ZDHHC3: variants seen among roughly 807,000 people sequenced by gnomAD.
ZDHHC3 encodes zDHHC palmitoyltransferase 3.
ZDHHC3 carries 9 observed loss-of-function variants against 30.6 expected under a neutral mutation model. That is an observed-to-expected ratio of 0.29 (90% CI 0.18 to 0.51). The LOEUF (loss-of-function observed/expected upper bound fraction) is 0.51, where lower values mean the gene tolerates loss of function less well. Ranked by LOEUF, ZDHHC3 falls within the 20% of genes least tolerant of loss-of-function variation. The pLI is 0.97. For synonymous variants in ZDHHC3, 136 were observed against 140.2 expected (o/e 0.97, Z 0.21); for missense variants, 246 against 384.2 (o/e 0.64, Z 3.01).
chr3:44,958,850 C>T (rs753129139), intron 2 of ZDHHC3, among the ~76,000 whole-genome samples: 1 of 152,216 alleles, frequency 6.6e-6, no homozygotes, highest in Non-Finnish European at 1.5e-5. Context: ...AGGTTTCCCC[C>T]AGACCAAACC....
At position 44,923,080 on chromosome 3, in the gene ZDHHC3, T is replaced by TG. The variant is rs1559644369; in HGVS notation, c.*3608dup. On this transcript the variant is annotated 3_prime_UTR_variant, in exon 7 of 7. Coordinates refer to ENST00000424952, the MANE Select transcript of ZDHHC3 (RefSeq NM_001135179.2). ...ACCTCACATACATGTTTAAAATGTT[T>TG]GTTTTTTTTTTTTGAGACGGAGTCT... The TG allele has an allele frequency of 1.1e-6, 1 of 936,292 alleles. No homozygotes were observed. 58.0% of individuals were successfully genotyped at this position (936,292 alleles called of 1,614,324 possible).
chr3:44,925,594 G>A lies in ZDHHC3; in HGVS notation c.*1095C>T. The A allele has an allele frequency of 1.0e-6, 1 of 985,456 alleles. No homozygotes were observed. Among genetic ancestry groups the A allele is most frequent in the Non-Finnish European group, 1.2e-6 (1 of 829,934 alleles). The allele number at this position is 985,456 out of a possible 1,614,324, so 61.0% of individuals were successfully genotyped here. The stretch of plus-strand genomic sequence containing the variant: ...ATTCTGGCCAATGGGATGGCCATAT[G>A]TCAACTTTGAAAGGGTGGGGACTGT... On this transcript the variant is annotated 3_prime_UTR_variant, in exon 7 of 7. Coordinates refer to ENST00000424952, the MANE Select transcript of ZDHHC3 (RefSeq NM_001135179.2).
intron 1 of ZDHHC3, among the ~76,000 whole-genome samples, chr3:44,965,543 A>G (rs1704869695): frequency 6.6e-6 from 1 of 152,184 alleles, no homozygotes. Context: ...GTTGACTGCT[A>G]GTGATGGGCA....
At position 44,920,459 on chromosome 3, in the gene ZDHHC3, C is replaced by G. The variant is rs1310201115; in HGVS notation, c.*6230G>C. The G allele has an allele frequency of 8.1e-7, 1 of 1,229,794 alleles. No homozygotes were observed. Among genetic ancestry groups the G allele is most frequent in the East Asian group, 5.8e-5 (1 of 17,370 alleles). The allele number at this position is 1,229,794 out of a possible 1,614,324, so 76.2% of individuals were successfully genotyped here. On this transcript the variant is annotated 3_prime_UTR_variant, in exon 7 of 7. Coordinates refer to ENST00000424952, the MANE Select transcript of ZDHHC3 (RefSeq NM_001135179.2). ...GGCTGCATCCACACTGACTTGGACT[C>G]AAAGCCATGACCATAGGTTTTTATG...
Position 44,922,374 on chromosome 3 carries a change from G to A in ZDHHC3, c.*4315C>T, listed in dbSNP as rs1269518414. 1 of 985,266 alleles carries A rather than the reference G, an allele frequency of 1.0e-6. No individual in the cohort carries two copies. Among genetic ancestry groups the A allele is most frequent in the Non-Finnish European group, 1.2e-6 (1 of 829,936 alleles). 61.0% of individuals were successfully genotyped at this position (985,266 alleles called of 1,614,324 possible). A position where few individuals can be genotyped will look rare whatever the true frequency, so the allele number is the denominator to read the frequency against. On this transcript the variant is annotated 3_prime_UTR_variant, in exon 7 of 7. Coordinates refer to ENST00000424952, the MANE Select transcript of ZDHHC3 (RefSeq NM_001135179.2). ...CTTCCGGGCTGCTTCTTCACCCAAA[G>A]GGCCCTTGGTCTAGAGATGGGTTCC... is the stretch of plus-strand genomic sequence containing the variant.
Position 44,919,570 on chromosome 3 carries a change from G to A in ZDHHC3, c.*7119C>T, listed in dbSNP as rs1454696666. 6.6e-6 allele frequency among the ~76,000 whole-genome samples: 1 copy of A among 152,232 alleles called. No homozygotes were observed. Among genetic ancestry groups the A allele is most frequent in the East Asian group, 1.9e-4 (1 of 5,204 alleles). On this transcript the variant is annotated 3_prime_UTR_variant, in exon 7 of 7. Transcript: ENST00000424952. The stretch of plus-strand genomic sequence containing the variant: ...GTCAAGGTCATGAAAGACAAAGGAA[G>A]ACTGAGGAACTGTCACAAACTGGAG...
At chr3:44,930,703 C>T (rs1303304313) in intron 5 of ZDHHC3, among the ~76,000 whole-genome samples, 6 of 152,224 alleles carry the variant, frequency 3.9e-5, no homozygotes, top group African/African-American at 1.4e-4. Context: ...AACATCTCAT[C>T]CACAATGCAT....
In ZDHHC3 at chr3:44,918,233, C is replaced by CGG. The variant is rs10576157; in HGVS notation, c.*8454_*8455dup. ...ACCCCCAGCTATAGCATAGCAGTGGCGGGGGGGGGGGCGGGGTGTCCACGG... is the reference window on the plus strand; with the variant it reads ...ACCCCCAGCTATAGCATAGCAGTGGCGGGGGGGGGGGGGCGGGGTGTCCACGG... On this transcript the variant is annotated 3_prime_UTR_variant, in exon 7 of 7. Transcript: ENST00000424952. 40 of 1,152,904 alleles carry CGG rather than the reference C, an allele frequency of 3.5e-5. No homozygotes were observed. Among genetic ancestry groups the CGG allele is most frequent in the African/African-American group, 2.8e-4 (17 of 60,922 alleles). 71.4% of individuals were successfully genotyped at this position (1,152,904 alleles called of 1,614,324 possible). A position where few individuals can be genotyped will look rare whatever the true frequency, so the allele number is the denominator to read the frequency against.
rs1176865739 is a variant in ZDHHC3 at position 44,959,020 on chromosome 3, CCCT to C, written c.306+108_306+110del. 3.8e-6 allele frequency: 5 copies of C among 1,330,908 alleles called. No homozygotes were observed. The highest frequency in any genetic ancestry group is 2.1e-5 in the Admixed American group (1 of 48,380). 82.4% of individuals were successfully genotyped at this position (1,330,908 alleles called of 1,614,324 possible). A position where few individuals can be genotyped will look rare whatever the true frequency, so the allele number is the denominator to read the frequency against. ...GATCTACTTCCTCACCCTCCCCTGGCCCTCCTATCCTCCAAGTTCCCAAGGTCC... is the reference window on the plus strand; with the variant it reads ...GATCTACTTCCTCACCCTCCCCTGGCCCTATCCTCCAAGTTCCCAAGGTCC... On this transcript the variant is annotated intron_variant, in intron 2 of 6. Transcript: ENST00000424952. This position sits in a 1 kb window ranked among gnomAD's most constrained non-coding sequence, Gnocchi z 4.3.
At chr3:44,933,807 C>T (rs1297096834) in intron 4 of ZDHHC3, 81 bp downstream of exon 4, 3 of 1,282,414 alleles carry the variant, frequency 2.3e-6, no homozygotes, top group African/African-American at 1.5e-5. Context: ...CAAAGAACAT[C>T]GTGAATGCTG....
intron 2 of ZDHHC3, among the ~76,000 whole-genome samples, chr3:44,958,406 G>C (rs1008078229): frequency 6.6e-6 from 1 of 152,140 alleles, no homozygotes; most frequent in Non-Finnish European, 1.5e-5. Context: ...CCCACGTACT[G>C]AAACAAGCCA....
chr3:44,935,564 T>C (rs1337699778), intron 3 of ZDHHC3, among the ~76,000 whole-genome samples: 1 of 152,160 alleles, frequency 6.6e-6, no homozygotes, highest in African/African-American at 2.4e-5. Context: ...GCCCAGCAAA[T>C]AATTACCTCT....
In ZDHHC3 at chr3:44,924,844, T is replaced by C. The variant is rs1700857729; in HGVS notation, c.*1845A>G. ...GATCTAAAACAGCATTCTTTTCTTTTTAATCTTAGCATCTCAGCCTCGCCC... is the reference window on the plus strand; with the variant it reads ...GATCTAAAACAGCATTCTTTTCTTTCTAATCTTAGCATCTCAGCCTCGCCC... On this transcript the variant is annotated 3_prime_UTR_variant, in exon 7 of 7. Coordinates refer to ENST00000424952, the MANE Select transcript of ZDHHC3 (RefSeq NM_001135179.2). The C allele has an allele frequency of 5.1e-6, 5 of 985,566 alleles. No individual in the cohort carries two copies. The highest frequency in any genetic ancestry group is 6.0e-6 in the Non-Finnish European group (5 of 829,944). 61.1% of individuals were successfully genotyped at this position (985,566 alleles called of 1,614,324 possible).
intron 2 of ZDHHC3, among the ~76,000 whole-genome samples, chr3:44,953,912 T>C (rs1278263139): frequency 6.6e-6 from 1 of 152,220 alleles, no homozygotes; most frequent in African/African-American, 2.4e-5. Context: ...TCTGGCTGCA[T>C]CCAGCACCTG....
At position 44,959,095 on chromosome 3, in the gene ZDHHC3, G is replaced by A; in HGVS notation, c.306+36C>T. On this transcript the variant is annotated intron_variant, in intron 2 of 6. Transcript: ENST00000424952. The surrounding 1 kb of genome is among the most constrained non-coding windows in gnomAD (Gnocchi z 4.3). The stretch of plus-strand genomic sequence containing the variant: ...GCCATGCCAGAGCCAGAGGAGGAGA[G>A]TGTGGGCTGGTCAAAACAAGCCCAG... 1 of 1,609,982 alleles carries A rather than the reference G, an allele frequency of 6.2e-7. No individual in the cohort carries two copies.
At chr3:44,935,076 G>A (rs1203365278) in intron 3 of ZDHHC3, among the ~76,000 whole-genome samples, 1 of 152,038 alleles carries the variant, frequency 6.6e-6, no homozygotes, top group African/African-American at 2.4e-5. Flanking sequence ...TGAAACAAGC[G>A]TCCCGGACTA....
In ZDHHC3 at chr3:44,959,005, C is replaced by T; in HGVS notation, c.306+126G>A. The T allele has an allele frequency of 1.7e-6, 2 of 1,191,210 alleles. No homozygotes were observed. The highest frequency in any genetic ancestry group is 2.4e-5 in the East Asian group (1 of 41,208). 73.8% of individuals were successfully genotyped at this position (1,191,210 alleles called of 1,614,324 possible). ...TCTGAACAAGGCAGAGATCTACTTCCTCACCCTCCCCTGGCCCTCCTATCC... is the reference window on the plus strand; with the variant it reads ...TCTGAACAAGGCAGAGATCTACTTCTTCACCCTCCCCTGGCCCTCCTATCC... On this transcript the variant is annotated intron_variant, in intron 2 of 6. Coordinates refer to ENST00000424952, the MANE Select transcript of ZDHHC3 (RefSeq NM_001135179.2). The surrounding 1 kb of genome is among the most constrained non-coding windows in gnomAD (Gnocchi z 4.3).
intron 2 of ZDHHC3, among the ~76,000 whole-genome samples, chr3:44,950,250 G>A (rs1311138431): frequency 6.6e-6 from 1 of 152,250 alleles, no homozygotes; most frequent in African/African-American, 2.4e-5. Context: ...AAAGTGCAAA[G>A]GGACATCCTT....
At chr3:44,949,267 C>G (rs1243723069) in intron 2 of ZDHHC3, among the ~76,000 whole-genome samples, 2 of 151,886 alleles carry the variant, frequency 1.3e-5, no homozygotes. Context: ...TAAAAATACA[C>G]AATTATTGAC....
Sources: gnomAD v4.1 joint callset for allele counts (sites outside exome capture counted in the v4.1 genomes callset) on GRCh38, gnomAD v4.1.1 for gene constraint, Gnocchi (gnomAD v3.1) non-coding constraint, MANE v1.5 for transcripts, NCBI Gene and HGNC (gene_info 2026-07-23, HGNC 2026-07-21) for gene names.